The following DACH2 variants were observed in gnomAD, a reference collection of about 807,000 sequenced individuals.
DACH2 encodes the protein dachshund family transcription factor 2.
In DACH2, 17 loss-of-function variants were observed where a neutral mutation model predicts 35.8. The observed-to-expected ratio is 0.48, with a 90% CI of 0.33 to 0.71. The LOEUF is 0.71. DACH2 is among the 30% of genes least tolerant of loss of function. The probability of loss-of-function intolerance (pLI) is 0.02; values close to 1 mark genes in which losing one functional copy is unlikely to be tolerated. For missense variants in DACH2, 469 were observed against 472.7 expected (o/e 0.99, Z 0.07); for synonymous variants, 195 against 177.3 (o/e 1.10, Z -0.79).
chrX:86,733,059 A>C lies in DACH2; in HGVS notation c.1105-6688A>C, dbSNP rs2041549635. On this transcript the variant is annotated intron_variant, in intron 6 of 11. Transcript: ENST00000373125. ...TTGACCTGGTTGGTGTTTAATTTTA[A>C]ATAATATTTGAATGTTTACATGTGA... is the stretch of plus-strand genomic sequence containing the variant. Among the ~76,000 whole-genome samples the C allele has an allele frequency of 2.7e-5, 3 of 111,674 alleles. No homozygotes were observed. The South Asian group carries it at 1.1e-3, about 41-fold the overall frequency.
At chrX:86,556,488 G>A (rs777181368) in intron 3 of DACH2, among the ~76,000 whole-genome samples, 34 of 109,348 alleles carry the variant, frequency 3.1e-4, no homozygotes, top group African/African-American at 9.9e-4. Context: ...CTTTTCTCAA[G>A]TTCTAAATAT....
intron 2 of DACH2, among the ~76,000 whole-genome samples, chrX:86,513,399 C>T (rs1423655139): frequency 9.0e-6 from 1 of 111,453 alleles, no homozygotes; most frequent in Non-Finnish European, 1.9e-5. Context: ...TAACTTGATC[C>T]TAATGTTCTA....
At chrX:86,453,490 G>T (rs897338146) in intron 2 of DACH2, among the ~76,000 whole-genome samples, 2 of 111,458 alleles carry the variant, frequency 1.8e-5, no homozygotes, top group African/African-American at 3.3e-5. Context: ...ATGAATCTGG[G>T]TACTCATGTA....
chrX:86,250,656 A>G (rs2033380798), intron 1 of DACH2, among the ~76,000 whole-genome samples: 1 of 111,628 alleles, frequency 9.0e-6, no homozygotes, highest in South Asian at 3.7e-4. Flanking sequence ...TATTATAAAC[A>G]GTGTTTAAAG....
intron 4 of DACH2, among the ~76,000 whole-genome samples, chrX:86,688,047 AAAAG>A (rs894975113): frequency 4.5e-5 from 5 of 110,790 alleles, no homozygotes; most frequent in African/African-American, 1.3e-4. Context: ...ATAATAAAAA[AAAAG>A]AAAGAAAGAA....
At chrX:86,397,468 C>G (rs764556639) in intron 2 of DACH2, among the ~76,000 whole-genome samples, 1 of 111,317 alleles carries the variant, frequency 9.0e-6, no homozygotes, top group African/African-American at 3.3e-5. Context: ...TGTCTTGTGC[C>G]AGTTTTCAAA....
intron 2 of DACH2, among the ~76,000 whole-genome samples, chrX:86,430,151 T>C (rs1207026609): frequency 8.9e-6 from 1 of 112,153 alleles, no homozygotes; most frequent in African/African-American, 3.2e-5. Flanking sequence ...TAGTTTCTAT[T>C]ATTTTGTACT....
At chrX:86,787,217 TG>T (rs2042145742) in intron 7 of DACH2, among the ~76,000 whole-genome samples, 1 of 112,321 alleles carries the variant, frequency 8.9e-6, no homozygotes, top group African/African-American at 3.2e-5. Context: ...CAAATTTTAG[TG>T]TCAACATAGA....
chrX:86,662,161 C>T (rs1267860798), intron 4 of DACH2, among the ~76,000 whole-genome samples: 1 of 112,018 alleles, frequency 8.9e-6, no homozygotes, highest in Non-Finnish European at 1.9e-5. Flanking sequence ...CTTTCATAGA[C>T]ACAGCTCTAC....
At chrX:86,320,668 G>A (rs1251466575) in intron 1 of DACH2, among the ~76,000 whole-genome samples, 2 of 112,543 alleles carry the variant, frequency 1.8e-5, no homozygotes, top group Non-Finnish European at 3.8e-5. Context: ...ACTGTGGTTT[G>A]CAGGAGGCAG....
intron 2 of DACH2, among the ~76,000 whole-genome samples, chrX:86,414,497 C>T (rs920144810): frequency 1.8e-5 from 2 of 111,612 alleles, no homozygotes; most frequent in Non-Finnish European, 3.8e-5. Flanking sequence ...GAGGTTCCTA[C>T]TGTTAGATCT....
chrX:86,447,155 T>C (rs1274918345), intron 2 of DACH2, among the ~76,000 whole-genome samples: 1 of 100,321 alleles, frequency 1.0e-5, no homozygotes, highest in Non-Finnish European at 2.0e-5. Context: ...TGTTTTTTTC[T>C]TGTAAATTTG....
chrX:86,779,029 TG>T (rs1327233679), intron 7 of DACH2, among the ~76,000 whole-genome samples: 2 of 112,197 alleles, frequency 1.8e-5, no homozygotes, highest in Non-Finnish European at 1.9e-5. Context: ...CCTGCTCTTA[TG>T]GAGACTATAT....
rs1444857555 is a variant in DACH2 at position 86,637,049 on chromosome X, G to A, written c.641-13987G>A. The stretch of plus-strand genomic sequence containing the variant: ...AAACTGAGTAACCCCATTAAAAAGT[G>A]GGCAAAGGACATGAACAGACACTTT... On this transcript the variant is annotated intron_variant, in intron 3 of 11. Transcript: ENST00000373125. Among the ~76,000 whole-genome samples, 5 of 101,171 alleles carry A rather than the reference G, an allele frequency of 4.9e-5. 1 individual carries two copies. In the Admixed American group the frequency reaches 5.4e-4, roughly 11 times the overall value. The allele number at this position is 101,171 out of a possible 115,157, so 87.9% of individuals were successfully genotyped here.
chrX:86,158,123 A>G (rs1464361813), intron 1 of DACH2, among the ~76,000 whole-genome samples: 1 of 111,607 alleles, frequency 9.0e-6, no homozygotes, highest in African/African-American at 3.3e-5. Flanking sequence ...TTCTAAAATG[A>G]TAGTAAATGC....
At chrX:86,415,983 C>T (rs762417938) in intron 2 of DACH2, among the ~76,000 whole-genome samples, 1 of 111,958 alleles carries the variant, frequency 8.9e-6, no homozygotes, top group East Asian at 2.8e-4. Flanking sequence ...GACATCAAAG[C>T]TCCTTCTGAT....
intron 1 of DACH2, among the ~76,000 whole-genome samples, chrX:86,314,679 G>C (rs1569344607): frequency 1.8e-5 from 2 of 112,315 alleles, no homozygotes; most frequent in Non-Finnish European, 3.8e-5. Context: ...TGAACGTATA[G>C]ATGATAAGAA....
chrX:86,689,122 C>G (rs1156535318), intron 4 of DACH2, among the ~76,000 whole-genome samples: 1 of 111,463 alleles, frequency 9.0e-6, no homozygotes, highest in Non-Finnish European at 1.9e-5. Context: ...AGGAGATAAA[C>G]TAGTTGAGAC....
chrX:86,787,176 A>G lies in DACH2; in HGVS notation c.1241-25680A>G, dbSNP rs2042145159. On this transcript the variant is annotated intron_variant, in intron 7 of 11. Coordinates refer to ENST00000373125, the MANE Select transcript of DACH2 (RefSeq NM_053281.3). Reference sequence around the variant, plus strand: ...CTAATACAATTGCCTTTAAAGAGGGATTGAAAAATAAATCTTTAAAAAAAT... The same window carrying G: ...CTAATACAATTGCCTTTAAAGAGGGGTTGAAAAATAAATCTTTAAAAAAAT... Among the ~76,000 whole-genome samples, 8 of 112,407 alleles carry G rather than the reference A, an allele frequency of 7.1e-5. No individual in the cohort carries two copies. In the South Asian group the frequency reaches 2.9e-3, roughly 41 times the overall value.
Sources: allele counts gnomAD v4.1 joint callset (sites outside exome capture counted in the v4.1 genomes callset), GRCh38; gene constraint gnomAD v4.1.1; transcripts MANE v1.5; gene names NCBI Gene and HGNC (gene_info 2026-07-23, HGNC 2026-07-21).